The following KCNH5 variants were observed in gnomAD, a reference collection of about 807,000 sequenced individuals.
KCNH5 encodes voltage-gated delayed rectifier potassium channel KCNH5.
Under a neutral mutation model 96.1 loss-of-function variants are expected in KCNH5, and 46 were observed. The observed-to-expected ratio is 0.48, with a 90% CI of 0.38 to 0.61. KCNH5 has a LOEUF of 0.61. KCNH5 is among the 20% of genes least tolerant of loss of function. KCNH5 has a pLI of 0.00. For synonymous variants in KCNH5, 439 were observed against 449.8 expected, an observed-to-expected ratio of 0.98 and a Z score of 0.30; for missense variants, 907 against 1,225.8, an observed-to-expected ratio of 0.74 and a Z score of 3.88.
intron 10 of KCNH5, among the ~76,000 whole-genome samples, chr14:62,768,244 A>T (rs1048706149): frequency 2.6e-5 from 4 of 152,196 alleles, no homozygotes; most frequent in Non-Finnish European, 5.9e-5. Flanking sequence ...AGAAAAAGTA[A>T]AACAAGGCCT....
At position 62,722,987 on chromosome 14, in the gene KCNH5, A is replaced by G. The variant is rs530518603; in HGVS notation, c.2020-14532T>C. 5.3e-5 allele frequency among the ~76,000 whole-genome samples: 8 copies of G among 152,310 alleles called. No individual in the cohort carries two copies. The South Asian group carries it at 8.3e-4, about 16-fold the overall frequency. On this transcript the variant is annotated intron_variant, in intron 10 of 10. Coordinates refer to ENST00000322893, the MANE Select transcript of KCNH5 (RefSeq NM_139318.5). The stretch of plus-strand genomic sequence containing the variant: ...GTTTTGTAGCTTGTAATGCACTTTC[A>G]AATACACTACCCTACTGATCTCATT...
chr14:62,789,263 T>C (rs1313085155), intron 9 of KCNH5, among the ~76,000 whole-genome samples: 2 of 152,054 alleles, frequency 1.3e-5, no homozygotes, highest in African/African-American at 4.8e-5. Context: ...CAGGCTGTCT[T>C]TCTTTTTTAA....
intron 7 of KCNH5, among the ~76,000 whole-genome samples, chr14:62,859,571 A>T (rs1300145434): frequency 6.6e-6 from 1 of 152,174 alleles, no homozygotes; most frequent in East Asian, 1.9e-4. Context: ...TTTCTTTGTC[A>T]CCAATTTTCC....
chr14:62,918,164 G>C (rs573540589), intron 7 of KCNH5, among the ~76,000 whole-genome samples: 1 of 152,206 alleles, frequency 6.6e-6, no homozygotes, highest in Admixed American at 6.5e-5. Context: ...TAATGTTAAA[G>C]TATTAATTGA....
At chr14:62,774,877 T>G (rs550052495) in intron 10 of KCNH5, among the ~76,000 whole-genome samples, 2 of 152,216 alleles carry the variant, frequency 1.3e-5, no homozygotes, top group Non-Finnish European at 2.9e-5. Flanking sequence ...ACATGGGATC[T>G]TAATCTCCAG....
intron 7 of KCNH5, among the ~76,000 whole-genome samples, chr14:62,924,779 G>C (rs886990280): frequency 6.6e-6 from 1 of 151,956 alleles, no homozygotes; most frequent in African/African-American, 2.4e-5. Context: ...CATAGAATCA[G>C]AGTAGAAAGG....
chr14:62,920,089 T>C (rs1324195864), intron 7 of KCNH5, among the ~76,000 whole-genome samples: 2 of 152,158 alleles, frequency 1.3e-5, no homozygotes, highest in Non-Finnish European at 2.9e-5. Flanking sequence ...GTTGGCAGTC[T>C]TTCTGATCAT....
intron 7 of KCNH5, among the ~76,000 whole-genome samples, chr14:62,926,049 T>C (rs10146437): frequency 0.11 from 16,408 of 152,092 alleles, 926 homozygotes; most frequent in African/African-American, 0.14. Context: ...ATGCTTCATA[T>C]ATGCTAAAGT....
chr14:62,877,672 G>A (rs1191251913), intron 7 of KCNH5, among the ~76,000 whole-genome samples: 73 of 151,412 alleles, frequency 4.8e-4, no homozygotes, highest in African/African-American at 1.0e-3. Context: ...TTAGAATGGC[G>A]ATCATTAAAA....
intron 1 of KCNH5, among the ~76,000 whole-genome samples, chr14:63,039,044 T>G (rs1998203): frequency 0.065 from 9,908 of 152,150 alleles, 351 homozygotes; most frequent in East Asian, 0.089. Context: ...TGGATTGTGA[T>G]TTGTTATCCA....
At chr14:62,810,096 C>T (rs1886842825) in intron 8 of KCNH5, among the ~76,000 whole-genome samples, 2 of 152,120 alleles carry the variant, frequency 1.3e-5, no homozygotes, top group South Asian at 4.1e-4. Context: ...TACTGTTATA[C>T]TCTTTGTGTA....
At chr14:62,780,809 G>A (rs1886194841) in intron 9 of KCNH5, among the ~76,000 whole-genome samples, 1 of 152,150 alleles carries the variant, frequency 6.6e-6, no homozygotes, top group Non-Finnish European at 1.5e-5. Flanking sequence ...CCTGGTTTCT[G>A]AAGTGTAGTC....
At chr14:62,956,328 G>A (rs1890103266) in intron 6 of KCNH5, among the ~76,000 whole-genome samples, 1 of 152,110 alleles carries the variant, frequency 6.6e-6, no homozygotes, top group Non-Finnish European at 1.5e-5. Context: ...GGTTAAATGA[G>A]CATAGTGTCT....
chr14:63,005,032 C>A (rs1891099442), intron 3 of KCNH5, among the ~76,000 whole-genome samples: 1 of 152,102 alleles, frequency 6.6e-6, no homozygotes, highest in East Asian at 1.9e-4. Context: ...GTATACAGGT[C>A]TCCTACAAAT....
At chr14:62,851,562 T>G (rs1173452150) in intron 7 of KCNH5, among the ~76,000 whole-genome samples, 1 of 149,334 alleles carries the variant, frequency 6.7e-6, no homozygotes, top group Non-Finnish European at 1.5e-5. Context: ...CCATTGTTGC[T>G]ATTAAGAAAA....
chr14:62,719,649 C>T (rs959342733), intron 10 of KCNH5, among the ~76,000 whole-genome samples: 25 of 152,162 alleles, frequency 1.6e-4, no homozygotes, highest in Admixed American at 1.6e-3. Context: ...TCAGTGTTTC[C>T]CTTACTTGAA....
rs1884321059 is a variant in KCNH5 at position 62,699,901 on chromosome 14, AAT to A, written c.*7605_*7606del. On this transcript the variant is annotated 3_prime_UTR_variant, in exon 11 of 11. Coordinates refer to ENST00000322893, the MANE Select transcript of KCNH5 (RefSeq NM_139318.5). ...AAAGCCAACAAGTACTGCTTAGCAT[AAT>A]GGTATTAAAAACATCCCACATGAAA... The A allele has an allele frequency of 6.6e-6, 1 of 152,192 alleles. No homozygotes were observed. The allele number at this position is 152,192 out of a possible 1,614,324, so 9.4% of individuals were successfully genotyped here.
intron 7 of KCNH5, among the ~76,000 whole-genome samples, chr14:62,857,562 C>T (rs1887953371): frequency 6.6e-6 from 1 of 152,122 alleles, no homozygotes; most frequent in South Asian, 2.1e-4. Flanking sequence ...GAAGAGCCAA[C>T]CCGAGTCCCA....
At chr14:62,769,146 A>C (rs924895121) in intron 10 of KCNH5, among the ~76,000 whole-genome samples, 2 of 152,226 alleles carry the variant, frequency 1.3e-5, no homozygotes, top group Non-Finnish European at 2.9e-5. Context: ...GCCATGAGCG[A>C]AGCACCTTAC....
Sources: allele counts gnomAD v4.1 joint callset (sites outside exome capture counted in the v4.1 genomes callset), GRCh38; gene constraint gnomAD v4.1.1; transcripts MANE v1.5; gene names NCBI Gene and HGNC (gene_info 2026-07-23, HGNC 2026-07-21).